The following CLEC4E variants were observed in gnomAD, a reference collection of about 807,000 sequenced individuals.
CLEC4E encodes C-type (calcium dependent, carbohydrate-recognition domain) lectin, superfamily member 9.
Under a neutral mutation model 24.7 loss-of-function variants are expected in CLEC4E, and 21 were observed. The observed-to-expected ratio is 0.85, with a 90% CI of 0.60 to 1.22. CLEC4E has a LOEUF of 1.22. CLEC4E is among the 50% of genes most tolerant of loss of function. The pLI, the probability that CLEC4E is intolerant of heterozygous loss-of-function variation, is 0.00. For synonymous variants in CLEC4E, 94 were observed against 85.7 expected (o/e 1.10, Z -0.54); for missense variants, 249 against 254.1 (o/e 0.98, Z 0.14).
intron 5 of CLEC4E, among the ~76,000 whole-genome samples, chr12:8,535,350 A>G (rs764086090): frequency 6.6e-6 from 1 of 152,242 alleles, no homozygotes; most frequent in Non-Finnish European, 1.5e-5. Flanking sequence ...AAAGATTAAT[A>G]ATACTGATAC....
chr12:8,534,563 T>C lies in CLEC4E; in HGVS notation c.*75A>G, dbSNP rs770413504. On this transcript the variant is annotated 3_prime_UTR_variant, in exon 6 of 6. Transcript: ENST00000299663. ...GTCCTTTGAAGTTCAGCGCACAAAT[T>C]TCTCGTGTGGGGCGGTGGGTGTGGC... 7 of 1,135,352 alleles carry C rather than the reference T, an allele frequency of 6.2e-6. No homozygotes were observed. In the South Asian group the frequency reaches 1.1e-4, roughly 18 times the overall value. The allele number at this position is 1,135,352 out of a possible 1,614,324, so 70.3% of individuals were successfully genotyped here.
At chr12:8,538,166 C>T (rs1940641829) in intron 3 of CLEC4E, among the ~76,000 whole-genome samples, 3 of 152,216 alleles carry the variant, frequency 2.0e-5, no homozygotes, top group African/African-American at 4.8e-5. Flanking sequence ...GCTCCTCCAC[C>T]TCTTGTGGAG....
intron 4 of CLEC4E, 22 bp from the exon 5 acceptor site, chr12:8,536,227 A>G (rs1240827665): frequency 7.7e-7 from 1 of 1,304,354 alleles, no homozygotes; most frequent in Non-Finnish European, 1.1e-6. Flanking sequence ...ACAAAATAAA[A>G]GGAGATCAGT....
chr12:8,539,426 T>C, intron 2 of CLEC4E, 120 bp from the exon 3 acceptor site: 1 of 688,892 alleles, frequency 1.5e-6, no homozygotes, highest in Non-Finnish European at 2.5e-6. Context: ...ACAATCTGCT[T>C]TTTCTTACGA....
chr12:8,534,765 T>C lies in CLEC4E; in HGVS notation c.533A>G (p.Asp178Gly). The C allele has an allele frequency of 6.2e-7, 1 of 1,613,960 alleles. No homozygotes were observed. Among genetic ancestry groups the C allele is most frequent in the South Asian group, 1.1e-5 (1 of 91,070 alleles). ...TGAAGAGTCTCTCATGGTGGCACAG[T>C]CCTCCAGGGTAGCTATGTTGTTGGG... ...GEPNNIATLE[D>G]CATMRDSSNP... Residue 178 changes from aspartate (D) to glycine (G), a missense_variant, in exon 6 of 6, where the codon GAC (aspartate) becomes GGC (glycine). Asp to Gly is a moderately conservative substitution (Grantham distance 94). Transcript: ENST00000299663.
intron 3 of CLEC4E, 80 bp downstream of exon 3, chr12:8,539,137 C>T (rs1176896075): frequency 1.0e-6 from 1 of 975,484 alleles, no homozygotes; most frequent in South Asian, 1.4e-5. Context: ...CCAGCTATAT[C>T]TCACCTGTCC....
At chr12:8,539,170 A>T (rs1381336441) in intron 3 of CLEC4E, 47 bp downstream of exon 3, 2 of 1,337,288 alleles carry the variant, frequency 1.5e-6, no homozygotes, top group Non-Finnish European at 2.1e-6. Flanking sequence ...AGAAGCCAGA[A>T]AATGTTGCTT....
At position 8,539,923 on chromosome 12, in the gene CLEC4E, A is replaced by G. The variant is rs1049645947; in HGVS notation, c.62T>C (p.Met21Thr). The change falls in exon 2 of 6, where the codon ATG becomes ACG. Residue 21 changes from methionine (M) to threonine (T), a missense_variant. Physicochemically the swap from Met to Thr is moderately conservative, Grantham distance 81 (BLOSUM62 -1). Transcript: ENST00000299663. ...CTERGCFSSQ[M>T]FLWTVAGIPI... ...GATCCCAGCAACAGTCCATAAGAAC[A>G]TTTGGGAAGAGAAGCATCCTCTCTC... 1 of 1,609,898 alleles carries G rather than the reference A, an allele frequency of 6.2e-7. No individual in the cohort carries two copies. Among genetic ancestry groups the G allele is most frequent in the African/African-American group, 1.3e-5 (1 of 74,962 alleles).
In CLEC4E at chr12:8,540,631, C is replaced by G. The variant is rs1002336799; in HGVS notation, c.37+130G>C. 5 of 834,016 alleles carry G rather than the reference C, an allele frequency of 6.0e-6. No individual in the cohort carries two copies. In the Admixed American group the frequency reaches 8.5e-5, roughly 14 times the overall value. The allele number at this position is 834,016 out of a possible 1,614,324, so 51.7% of individuals were successfully genotyped here. A position where few individuals can be genotyped will look rare whatever the true frequency, so the allele number is the denominator to read the frequency against. On this transcript the variant is annotated intron_variant, in intron 1 of 5. Transcript: ENST00000299663. ...AAATAGTCTTTAAATCTCTCTCTCT[C>G]TCTTCCTCTGTCCCCCCACTTTTTT...
intron 1 of CLEC4E, among the ~76,000 whole-genome samples, chr12:8,540,242 T>A (rs191045835): frequency 5.4e-4 from 83 of 152,328 alleles, no homozygotes; most frequent in Admixed American, 1.4e-3. Context: ...GGAGTAAGAC[T>A]CTGACTCATG....
intron 5 of CLEC4E, 108 bp from the exon 6 acceptor site, chr12:8,534,917 C>A: frequency 1.1e-6 from 1 of 937,360 alleles, no homozygotes; most frequent in South Asian, 1.9e-5. Flanking sequence ...AACAATTTTG[C>A]GAGGTAGGTA....
At chr12:8,534,831 G>C in intron 5 of CLEC4E, 22 bp from the exon 6 acceptor site, 1 of 1,595,188 alleles carries the variant, frequency 6.3e-7, no homozygotes, top group Non-Finnish European at 8.5e-7. Context: ...TGACATAGGA[G>C]ACTTAAAATC....
chr12:8,536,024 G>A, intron 5 of CLEC4E, 66 bp downstream of exon 5: 1 of 894,316 alleles, frequency 1.1e-6, no homozygotes, highest in Non-Finnish European at 1.8e-6. Context: ...CACCAATAAT[G>A]GACCTGATCT....
At chr12:8,538,197 T>G (rs111556234) in intron 3 of CLEC4E, among the ~76,000 whole-genome samples, 5 of 152,372 alleles carry the variant, frequency 3.3e-5, no homozygotes, top group East Asian at 3.9e-4. Context: ...TAGTCAGGCT[T>G]GCCCGCAGTT....
chr12:8,539,842 C>T lies in CLEC4E; in HGVS notation c.130+13G>A. The T allele has an allele frequency of 1.3e-6, 2 of 1,552,176 alleles. No individual in the cohort carries two copies. The highest frequency in any genetic ancestry group is 1.8e-6 in the Non-Finnish European group (2 of 1,123,794). On this transcript the variant is annotated intron_variant, in intron 2 of 5. Coordinates refer to ENST00000299663, the MANE Select transcript of CLEC4E (RefSeq NM_014358.4). ...CAGGAAGAATTAAATTGAATTTGAC[C>T]TTCAGAACCCACCAACACATCTGGT...
intron 4 of CLEC4E, 83 bp downstream of exon 4, chr12:8,537,032 G>A: frequency 1.6e-6 from 2 of 1,227,872 alleles, no homozygotes; most frequent in African/African-American, 3.0e-5. Context: ...ATAGTCATTG[G>A]GGGTCAAGCA....
rs1359434934 is a variant in CLEC4E at position 8,534,655 on chromosome 12, T to C, written c.643A>G (p.Lys215Glu). Residue 215 changes from lysine (K) to glutamate (E), a missense_variant, in exon 6 of 6, where the codon AAA becomes GAA. Coordinates refer to ENST00000299663, the MANE Select transcript of CLEC4E (RefSeq NM_014358.4). Reference protein sequence around the residue: ...CEMVGINPLNKGKSL With the variant: ...CEMVGINPLNEGKSL ...TTCTGTTCTTAAAGAGATTTTCCTT[T>C]GTTCAAAGGATTTATTCCTACCATT... 6.2e-7 allele frequency: 1 copy of C among 1,613,340 alleles called. No homozygotes were observed. The highest frequency in any genetic ancestry group is 8.5e-7 in the Non-Finnish European group (1 of 1,179,658).
intron 3 of CLEC4E, 84 bp downstream of exon 3, chr12:8,539,133 A>G (rs1940659786): frequency 4.3e-6 from 4 of 920,612 alleles, no homozygotes; most frequent in Non-Finnish European, 5.2e-6. Context: ...TAATCCAGCT[A>G]TATCTCACCT....
At chr12:8,537,416 A>G in intron 3 of CLEC4E, 150 bp from the exon 4 acceptor site, 1 of 604,246 alleles carries the variant, frequency 1.7e-6, no homozygotes, top group Non-Finnish European at 2.8e-6. Flanking sequence ...ACTTTAGATA[A>G]TTCCAATGTC....
Sources: gnomAD v4.1 joint callset for allele counts (sites outside exome capture counted in the v4.1 genomes callset) on GRCh38, gnomAD v4.1.1 for gene constraint, MANE v1.5 for transcripts, NCBI Gene and HGNC (gene_info 2026-07-23, HGNC 2026-07-21) for gene names.